Variants in PRKN observed in about 807,000 individuals in gnomAD.
PRKN encodes the protein E3 ubiquitin-protein ligase parkin.
Under a neutral mutation model 59.5 loss-of-function variants are expected in PRKN, and 56 were observed. The observed-to-expected ratio is 0.94, with a 90% CI of 0.76 to 1.18. The LOEUF (loss-of-function observed/expected upper bound fraction) is 1.18, where lower values mean the gene tolerates loss of function less well. Ranked by LOEUF, PRKN falls within the 50% of genes most tolerant of loss-of-function variation. PRKN has a pLI of 0.00. For synonymous variants in PRKN, 250 were observed against 222.1 expected, an observed-to-expected ratio of 1.13 and a Z score of -1.12; for missense variants, 657 against 596.4, an observed-to-expected ratio of 1.10 and a Z score of -1.06.
chr6:161,780,233 T>C (rs1457480267), intron 7 of PRKN, among the ~76,000 whole-genome samples: 114 of 152,218 alleles, frequency 7.5e-4, no homozygotes, highest in Non-Finnish European at 2.9e-5. Flanking sequence ...GCATTTGAAC[T>C]AGGCTTTTCT....
At chr6:162,344,647 A>G (rs534129200) in intron 2 of PRKN, among the ~76,000 whole-genome samples, 5 of 150,962 alleles carry the variant, frequency 3.3e-5, no homozygotes, top group African/African-American at 1.2e-4. Context: ...CGAGATACTC[A>G]GATATATTTC....
chr6:162,623,415 A>G (rs1463933758), intron 1 of PRKN, among the ~76,000 whole-genome samples: 1 of 152,238 alleles, frequency 6.6e-6, no homozygotes, highest in Non-Finnish European at 1.5e-5. Flanking sequence ...CAGAATTTAA[A>G]GTTCGTTTGA....
Position 162,087,958 on chromosome 6 carries a change from G to A in PRKN, c.535-33784C>T, listed in dbSNP as rs75042028. Among the ~76,000 whole-genome samples the A allele has an allele frequency of 6.9e-3, 1,056 of 152,218 alleles. 11 individuals carry two copies. Among genetic ancestry groups the A allele is most frequent in the Middle Eastern group, 0.024 (7 of 294 alleles). On this transcript the variant is annotated intron_variant, in intron 4 of 11. Coordinates refer to ENST00000366898, the MANE Select transcript of PRKN (RefSeq NM_004562.3). ...GCGTGGACATTCCAGCTTCCTAAAC[G>A]CAGGAGCACTAACGCTCCTCTGGCT...
intron 7 of PRKN, among the ~76,000 whole-genome samples, chr6:161,634,206 C>G (rs763818037): frequency 6.6e-6 from 1 of 152,116 alleles, no homozygotes; most frequent in Admixed American, 6.5e-5. Flanking sequence ...CCCTTGTCGG[C>G]CTGTAACCAC....
At chr6:162,079,411 C>A (rs1486811009) in intron 4 of PRKN, among the ~76,000 whole-genome samples, 1 of 152,020 alleles carries the variant, frequency 6.6e-6, no homozygotes, top group Non-Finnish European at 1.5e-5. Flanking sequence ...TTTTCTATAC[C>A]CAAAGCCAGC....
chr6:161,432,268 T>C (rs887997938), intron 9 of PRKN, among the ~76,000 whole-genome samples: 1 of 152,288 alleles, frequency 6.6e-6, no homozygotes, highest in South Asian at 2.1e-4. Flanking sequence ...TCTTGCAAGA[T>C]AGATATCTAC....
At chr6:162,315,332 C>T (rs1782707450) in intron 2 of PRKN, among the ~76,000 whole-genome samples, 1 of 152,112 alleles carries the variant, frequency 6.6e-6, no homozygotes, top group African/African-American at 2.4e-5. Context: ...GAGTCAATGG[C>T]TTTATTCGGT....
chr6:162,673,678 G>A (rs1779423934), intron 1 of PRKN, among the ~76,000 whole-genome samples: 2 of 152,190 alleles, frequency 1.3e-5, no homozygotes, highest in African/African-American at 2.4e-5. Context: ...GAGCCAACAC[G>A]CCCAGCCTAG....
chr6:161,432,181 T>C (rs1274782093), intron 9 of PRKN, among the ~76,000 whole-genome samples: 1 of 152,206 alleles, frequency 6.6e-6, no homozygotes, highest in Admixed American at 6.5e-5. Context: ...ATAGATTTAT[T>C]TTAGTTTGTT....
intron 7 of PRKN, among the ~76,000 whole-genome samples, chr6:161,574,711 G>C (rs1342304078): frequency 6.6e-6 from 1 of 152,124 alleles, no homozygotes; most frequent in Non-Finnish European, 1.5e-5. Flanking sequence ...TAATAGAAGT[G>C]TTTGGACATC....
In PRKN at chr6:161,735,787, C is replaced by T. The variant is rs371650248; in HGVS notation, c.871+49985G>A. Among the ~76,000 whole-genome samples, 273 of 151,996 alleles carry T rather than the reference C, an allele frequency of 1.8e-3. 13 individuals carry two copies. The South Asian group carries it at 0.048, about 27-fold the overall frequency. On this transcript the variant is annotated intron_variant, in intron 7 of 11. Transcript: ENST00000366898. ...AAAATTAGCTGGGTGTGATGGAGGG[C>T]GCCTGTAGTCCCAGCTACTCGGGAG...
At chr6:162,331,075 TC>T (rs1783549806) in intron 2 of PRKN, among the ~76,000 whole-genome samples, 1 of 151,732 alleles carries the variant, frequency 6.6e-6, no homozygotes, top group African/African-American at 2.4e-5. Context: ...ACACCTGTAA[TC>T]CCAGCACTTT....
chr6:162,363,131 CAAAAA>C (rs34722234), intron 2 of PRKN, among the ~76,000 whole-genome samples: 2 of 98,438 alleles, frequency 2.0e-5, no homozygotes, highest in Admixed American at 1.1e-4. Context: ...CCTTCTCAAA[CAAAAA>C]AAAAAAAAAA....
At chr6:162,156,503 G>C (rs1454795892) in intron 4 of PRKN, among the ~76,000 whole-genome samples, 1 of 152,158 alleles carries the variant, frequency 6.6e-6, no homozygotes, top group Non-Finnish European at 1.5e-5. Context: ...GAGTCCAAAA[G>C]TTGAAGAACT....
chr6:162,682,181 C>A (rs974549042), intron 1 of PRKN, among the ~76,000 whole-genome samples: 1 of 151,948 alleles, frequency 6.6e-6, no homozygotes, highest in Non-Finnish European at 1.5e-5. Flanking sequence ...TATAGTAGTG[C>A]TGTGTTGGAT....
In PRKN at chr6:161,530,382, C is replaced by G. The variant is rs975845411; in HGVS notation, c.1083+18472G>C. ...TGCATATCATCTTCCATATCAGGTA[C>G]CCTGGTTTGAAAAATCATACTTTTA... On this transcript the variant is annotated intron_variant, in intron 9 of 11. Coordinates refer to ENST00000366898, the MANE Select transcript of PRKN (RefSeq NM_004562.3). The surrounding 1 kb of genome is among the most constrained non-coding windows in gnomAD (Gnocchi z 5.0). 1.3e-5 allele frequency among the ~76,000 whole-genome samples: 2 copies of G among 152,170 alleles called. No homozygotes were observed. Among genetic ancestry groups the G allele is most frequent in the African/African-American group, 4.8e-5 (2 of 41,436 alleles).
chr6:162,038,396 A>G (rs1039907104), intron 5 of PRKN, among the ~76,000 whole-genome samples: 3 of 152,296 alleles, frequency 2.0e-5, no homozygotes, highest in African/African-American at 7.2e-5. Flanking sequence ...TAATAACTAC[A>G]ATTTATTGAT....
intron 1 of PRKN, among the ~76,000 whole-genome samples, chr6:162,445,766 T>TC (rs1320963811): frequency 4.9e-5 from 2 of 41,206 alleles, no homozygotes; most frequent in East Asian, 1.3e-3. Flanking sequence ...AAGATAACAA[T>TC]AAAAAGGCTT....
intron 2 of PRKN, among the ~76,000 whole-genome samples, chr6:162,357,765 T>A: frequency 6.6e-6 from 1 of 152,158 alleles, no homozygotes; most frequent in East Asian, 1.9e-4. Flanking sequence ...CCAATAGATA[T>A]GAAGGAAATT....
Sources: gnomAD v4.1 joint callset for allele counts (sites outside exome capture counted in the v4.1 genomes callset) on GRCh38, gnomAD v4.1.1 for gene constraint, Gnocchi (gnomAD v3.1) non-coding constraint, MANE v1.5 for transcripts, NCBI Gene and HGNC (gene_info 2026-07-23, HGNC 2026-07-21) for gene names.